Variants in MAP4 observed in about 807,000 individuals in gnomAD.
MAP4 encodes microtubule-associated protein 4.
MAP4 carries 76 observed loss-of-function variants against 170.2 expected under a neutral mutation model. That is an observed-to-expected ratio of 0.45 (90% confidence interval 0.37 to 0.54). The LOEUF is 0.54. MAP4 is among the 20% of genes least tolerant of loss of function. MAP4 has a pLI of 0.00. For synonymous variants in MAP4, 909 were observed against 994.5 expected, an observed-to-expected ratio of 0.91 and a Z score of 1.62; for missense variants, 2,506 against 2,748.0, an observed-to-expected ratio of 0.91 and a Z score of 1.97.
chr3:47,866,853 T>C (rs1352998447), intron 17 of MAP4, among the ~76,000 whole-genome samples: 1 of 152,150 alleles, frequency 6.6e-6, no homozygotes, highest in Non-Finnish European at 1.5e-5. Flanking sequence ...CATCCAGACA[T>C]CTGTCTCAGA....
chr3:47,996,737 GACACACACACACACAC>G (rs57673370), intron 2 of MAP4, among the ~76,000 whole-genome samples: 11 of 146,432 alleles, frequency 7.5e-5, no homozygotes, highest in Non-Finnish European at 1.7e-4. Context: ...CAAAAACTAA[GACACACACACACACAC>G]ACACACACAC....
chr3:47,899,783 T>C (rs1478923805), intron 10 of MAP4, among the ~76,000 whole-genome samples: 1 of 152,180 alleles, frequency 6.6e-6, no homozygotes, highest in Non-Finnish European at 1.5e-5. Flanking sequence ...ACCCAAGCGG[T>C]GGTGATCTGG....
intron 3 of MAP4, among the ~76,000 whole-genome samples, chr3:47,942,432 G>A (rs1478180102): frequency 1.3e-5 from 2 of 151,952 alleles, no homozygotes; most frequent in East Asian, 3.9e-4. Context: ...CTAGGCTGGA[G>A]TGCAGTAGCT....
upstream of MAP4, among the ~76,000 whole-genome samples, chr3:48,020,746 T>C (rs551590730): frequency 6.6e-6 from 1 of 152,194 alleles, no homozygotes; most frequent in Non-Finnish European, 1.5e-5. Flanking sequence ...GGATCAGAAT[T>C]GTTCAGGGAC....
chr3:48,079,047 T>C (rs1395726781), intron 1 of MAP4, among the ~76,000 whole-genome samples: 6 of 152,072 alleles, frequency 3.9e-5, no homozygotes, highest in African/African-American at 7.2e-5. Flanking sequence ...GGCACGTGCC[T>C]ATAATTCCAG....
At chr3:48,030,374 A>C (rs762937543) in intron 1 of MAP4, among the ~76,000 whole-genome samples, 2 of 152,086 alleles carry the variant, frequency 1.3e-5, no homozygotes, top group African/African-American at 2.4e-5. Context: ...CTGATAAAGA[A>C]ACCAAGACTC....
intron 1 of MAP4, among the ~76,000 whole-genome samples, chr3:48,036,478 C>T (rs773874142): frequency 2.6e-5 from 4 of 152,150 alleles, no homozygotes; most frequent in Non-Finnish European, 5.9e-5. Context: ...CATCATTTAT[C>T]ATATTTCTGT....
chr3:47,916,760 C>T lies in MAP4; in HGVS notation c.1067G>A (p.Arg356Lys), dbSNP rs1356986128. Reference sequence around the variant, plus strand: ...TAAGTCCATTTTTATAGGAGATGCCCTCTCTGTTTCTTTCAACAGTGTCAC... The same window carrying T: ...TAAGTCCATTTTTATAGGAGATGCCTTCTCTGTTTCTTTCAACAGTGTCAC... ...KDVTLLKETE[R>K]ASPIKMDLAP... Residue 356 changes from arginine to lysine, a missense_variant, in exon 7 of 21, where the codon AGG (arginine) becomes AAG (lysine). By Grantham distance (26) the Arg-to-Lys change is conservative. Coordinates refer to ENST00000683076, the MANE Select transcript of MAP4 (RefSeq NM_001385682.1). 6.2e-7 allele frequency: 1 copy of T among 1,613,912 alleles called. No individual in the cohort carries two copies. Among genetic ancestry groups the T allele is most frequent in the East Asian group, 2.2e-5 (1 of 44,842 alleles).
At chr3:47,927,250 C>A (rs2100046565) in intron 4 of MAP4, among the ~76,000 whole-genome samples, 1 of 151,654 alleles carries the variant, frequency 6.6e-6, no homozygotes, top group Non-Finnish European at 1.5e-5. Context: ...CGATAACTGA[C>A]AAATGGTACA....
chr3:47,892,194 C>G, intron 10 of MAP4: 1 of 1,536,316 alleles, frequency 6.5e-7, no homozygotes, highest in Non-Finnish European at 8.7e-7. Flanking sequence ...TGACCTGAGG[C>G]TTCTTGACAG....
chr3:48,037,955 T>A (rs900272539), intron 1 of MAP4, among the ~76,000 whole-genome samples: 1 of 151,776 alleles, frequency 6.6e-6, no homozygotes, highest in Non-Finnish European at 1.5e-5. Flanking sequence ...TCACCTGAGG[T>A]CAGGAGTTTG....
intron 9 of MAP4, among the ~76,000 whole-genome samples, chr3:47,907,802 C>G (rs770456989): frequency 6.6e-5 from 10 of 152,196 alleles, no homozygotes; most frequent in Non-Finnish European, 1.3e-4. Context: ...GGAAAGCCCT[C>G]TACATACTAT....
chr3:47,911,371 T>C lies in MAP4; in HGVS notation c.3050A>G (p.Lys1017Arg). ...PEGAEEDKEL[K>R]KEAFPNERQE... The stretch of plus-strand genomic sequence containing the variant: ...TCTTTCGTTGGGAAAAGCTTCCTTT[T>C]TTAGTTCTTTATCCTCTTCAGCTCC... Residue 1017 changes from lysine (K) to arginine (R), a missense_variant, in exon 9 of 21, where the codon AAA becomes AGA. This residue lies in a region of MAP4 where 2,008 missense variants were observed against 2,206.0 expected (regional missense o/e 0.91). Transcript: ENST00000683076. The surrounding 1 kb of genome is among the most constrained non-coding windows in gnomAD (Gnocchi z 4.0). The C allele has an allele frequency of 3.3e-6, 5 of 1,536,020 alleles. No individual in the cohort carries two copies. The South Asian group carries it at 5.9e-5, about 18-fold the overall frequency.
chr3:48,075,509 G>A (rs1447812853), intron 1 of MAP4, among the ~76,000 whole-genome samples: 2 of 151,104 alleles, frequency 1.3e-5, no homozygotes, highest in African/African-American at 2.4e-5. Flanking sequence ...CCTGGGCAAC[G>A]GAGCAAGACT....
intron 3 of MAP4, among the ~76,000 whole-genome samples, chr3:47,944,386 C>G (rs1294057828): frequency 6.6e-6 from 1 of 152,014 alleles, no homozygotes; most frequent in African/African-American, 2.4e-5. Flanking sequence ...TACATACTTT[C>G]TTTTCCAGCT....
In MAP4 at chr3:48,022,306, A is replaced by T. The variant is rs1014031608; in HGVS notation, c.-19-23427T>A. On this transcript the variant is annotated intron_variant, in intron 1 of 18. Transcript: ENST00000360240. Reference sequence around the variant, plus strand: ...GTAGAGAGACAGGGACAAAAGAAGGAAAAAAGAAAAGCAAAAAGAAGATGA... The same window carrying T: ...GTAGAGAGACAGGGACAAAAGAAGGTAAAAAGAAAAGCAAAAAGAAGATGA... Among the ~76,000 whole-genome samples the T allele has an allele frequency of 3.9e-5, 6 of 152,162 alleles. No individual in the cohort carries two copies. In the South Asian group the frequency reaches 1.2e-3, roughly 32 times the overall value.
intron 17 of MAP4, 77 bp from the exon 18 acceptor site, chr3:47,857,589 C>A: frequency 8.2e-6 from 8 of 975,276 alleles, no homozygotes; most frequent in East Asian, 2.4e-5. Flanking sequence ...CCTTTTAAAT[C>A]TTCTCCATGT....
intron 1 of MAP4, among the ~76,000 whole-genome samples, chr3:48,065,603 G>C (rs1467508186): frequency 6.6e-6 from 1 of 152,170 alleles, no homozygotes; most frequent in East Asian, 1.9e-4. Flanking sequence ...GCCTGCCTTG[G>C]TGTTGAGCAA....
rs563838337 is a variant in MAP4 at position 47,915,202 on chromosome 3, C to T, written c.1877-263G>A. ...TGCGATCTCGGCTCACCACAACCTC[C>T]GTCTCCCAGGTTCAAGTGATTCTCC... On this transcript the variant is annotated intron_variant, in intron 7 of 20. Coordinates refer to ENST00000683076, the MANE Select transcript of MAP4 (RefSeq NM_001385682.1). Among the ~76,000 whole-genome samples the T allele has an allele frequency of 7.9e-5, 12 of 151,906 alleles. 1 individual carries two copies. The Middle Eastern group carries it at 0.01, about 129-fold the overall frequency.
Sources: allele counts gnomAD v4.1 joint callset (sites outside exome capture counted in the v4.1 genomes callset), GRCh38; gene constraint gnomAD v4.1.1; regional missense constraint gnomAD v4.1.1; non-coding constraint Gnocchi (gnomAD v3.1); transcripts MANE v1.5; gene names NCBI Gene and HGNC (gene_info 2026-07-23, HGNC 2026-07-21).